The following SEZ6L variants were observed in gnomAD, a reference collection of about 807,000 sequenced individuals.
SEZ6L encodes the protein seizure related 6 homolog like, also known as seizure 6-like protein.
In SEZ6L, 37 loss-of-function variants were observed where a neutral mutation model predicts 106.2. The observed-to-expected ratio is 0.35, with a 90% CI of 0.27 to 0.46. The LOEUF is 0.46. Among genes scored for constraint, SEZ6L ranks in the 20% least tolerant of loss-of-function variants. The probability of loss-of-function intolerance (pLI) is 1.00; values close to 1 mark genes in which losing one functional copy is unlikely to be tolerated. For synonymous variants in SEZ6L, 541 were observed against 570.4 expected (o/e 0.95, Z 0.73); for missense variants, 1,172 against 1,332.8 (o/e 0.88, Z 1.88).
chr22:26,343,576 C>A (rs1471018566), intron 10 of SEZ6L, among the ~76,000 whole-genome samples: 1 of 152,142 alleles, frequency 6.6e-6, no homozygotes, highest in South Asian at 2.1e-4. Flanking sequence ...CTTGACACCT[C>A]CTATATGCTA....
At chr22:26,256,138 G>A (rs536103071) in intron 1 of SEZ6L, among the ~76,000 whole-genome samples, 2 of 152,310 alleles carry the variant, frequency 1.3e-5, no homozygotes, top group Admixed American at 6.5e-5. Context: ...AAAATGGGAA[G>A]GAGCATGAGC....
rs539256140 is a variant in SEZ6L at position 26,290,095 on chromosome 22, G to A, written c.95-2311G>A. 5.9e-5 allele frequency among the ~76,000 whole-genome samples: 9 copies of A among 152,308 alleles called. No homozygotes were observed. The East Asian group carries it at 1.7e-3, about 29-fold the overall frequency. ...CAACCCCAGGAAATAGGAAATAATA[G>A]CCCCATTTGACAGCTGAGGGAACTG... On this transcript the variant is annotated intron_variant, in intron 1 of 16. Transcript: ENST00000248933.
chr22:26,217,948 G>C (rs561388234), intron 1 of SEZ6L, among the ~76,000 whole-genome samples: 5 of 152,212 alleles, frequency 3.3e-5, no homozygotes. Context: ...ACAGACACAG[G>C]CTCCCTCTGC....
intron 1 of SEZ6L, among the ~76,000 whole-genome samples, chr22:26,237,317 C>T (rs1299707178): frequency 6.6e-6 from 1 of 152,208 alleles, no homozygotes; most frequent in Non-Finnish European, 1.5e-5. Context: ...GAGCAGGGAC[C>T]AGGTCTTTTG....
At chr22:26,324,064 C>CCA (rs71311560) in intron 9 of SEZ6L, among the ~76,000 whole-genome samples, 18,973 of 140,088 alleles carry the variant, frequency 0.14, 1,310 homozygotes, top group Admixed American at 0.2. Flanking sequence ...CAGTTTTTAA[C>CCA]CACACACACA....
chr22:26,275,079 C>T (rs1022368249), intron 1 of SEZ6L, among the ~76,000 whole-genome samples: 8 of 152,212 alleles, frequency 5.3e-5, no homozygotes, highest in Non-Finnish European at 1.2e-4. Context: ...GAGCCAAGCT[C>T]AAGGGCCAAA....
chr22:26,322,201 T>A (rs937650969), intron 9 of SEZ6L, among the ~76,000 whole-genome samples: 1 of 152,162 alleles, frequency 6.6e-6, no homozygotes, highest in Non-Finnish European at 1.5e-5. Flanking sequence ...TTATCAGGAA[T>A]CCTCAGATAA....
chr22:26,332,147 G>GTTTT (rs752520660), intron 9 of SEZ6L, among the ~76,000 whole-genome samples: 4 of 114,110 alleles, frequency 3.5e-5, no homozygotes, highest in African/African-American at 1.0e-4. Context: ...GATTTTCAAT[G>GTTTT]TTTTTTTTTT....
chr22:26,345,380 G>A (rs1039838432), intron 10 of SEZ6L, among the ~76,000 whole-genome samples: 1 of 152,186 alleles, frequency 6.6e-6, no homozygotes, highest in African/African-American at 2.4e-5. Context: ...GAGGTCCCAC[G>A]GGAGCGTGCA....
chr22:26,293,976 C>G (rs993719833), intron 2 of SEZ6L, among the ~76,000 whole-genome samples: 2 of 152,118 alleles, frequency 1.3e-5, no homozygotes, highest in Non-Finnish European at 2.9e-5. Flanking sequence ...TGTTTGAGCT[C>G]GGCCCCTCTC....
At chr22:26,177,845 T>A (rs1035504716) in intron 1 of SEZ6L, among the ~76,000 whole-genome samples, 5 of 152,266 alleles carry the variant, frequency 3.3e-5, no homozygotes, top group Admixed American at 2.6e-4. Flanking sequence ...TATTTGGGAT[T>A]CTTATCTGCC....
chr22:26,314,734 A>G (rs2081950440), intron 9 of SEZ6L, among the ~76,000 whole-genome samples: 1 of 152,256 alleles, frequency 6.6e-6, no homozygotes, highest in Non-Finnish European at 1.5e-5. Flanking sequence ...GCAGGGAAGC[A>G]GCTACTCTGG....
chr22:26,368,572 A>G (rs1246216322), intron 13 of SEZ6L, among the ~76,000 whole-genome samples: 3 of 152,204 alleles, frequency 2.0e-5, no homozygotes, highest in Non-Finnish European at 2.9e-5. Context: ...CAGAAAGCAG[A>G]GTCGTGGTTG....
chr22:26,269,616 A>T (rs2080298824), intron 1 of SEZ6L, among the ~76,000 whole-genome samples: 1 of 152,210 alleles, frequency 6.6e-6, no homozygotes. Context: ...ATGCAGCGTG[A>T]CTGCCTCCCA....
intron 1 of SEZ6L, among the ~76,000 whole-genome samples, chr22:26,269,612 C>T (rs776167855): frequency 3.1e-4 from 47 of 152,194 alleles, no homozygotes; most frequent in Non-Finnish European, 8.8e-5. Context: ...AATTATGCAG[C>T]GTGACTGCCT....
At chr22:26,201,643 G>A (rs2145679986) in intron 1 of SEZ6L, among the ~76,000 whole-genome samples, 1 of 152,228 alleles carries the variant, frequency 6.6e-6, no homozygotes, top group South Asian at 2.1e-4. Flanking sequence ...ATAGGCTTTA[G>A]CAATGACTAC....
Position 26,208,898 on chromosome 22 carries a change from G to GTGTA in SEZ6L, c.94+39138_94+39139insATGT, listed in dbSNP as rs1273904150. Among the ~76,000 whole-genome samples the GTGTA allele has an allele frequency of 8.8e-5, 11 of 125,122 alleles. 1 individual carries two copies. Among genetic ancestry groups the GTGTA allele is most frequent in the Middle Eastern group, 4.5e-3 (1 of 220 alleles). 82.1% of individuals were successfully genotyped at this position (125,122 alleles called of 152,430 possible). A position where few individuals can be genotyped will look rare whatever the true frequency, so the allele number is the denominator to read the frequency against. On this transcript the variant is annotated intron_variant, in intron 1 of 16. Transcript: ENST00000248933. ...TGTGTGTGTGTGTGTGTGTGTGTGT[G>GTGTA]TGTGTGTAATGTTTTGATATTTCCC...
At chr22:26,173,214 T>C (rs1328069979) in intron 1 of SEZ6L, among the ~76,000 whole-genome samples, 1 of 152,234 alleles carries the variant, frequency 6.6e-6, no homozygotes, top group African/African-American at 2.4e-5. Flanking sequence ...AAGTAATGTT[T>C]ATTTCTTTCT....
At chr22:26,363,616 CT>C (rs1568946104) in intron 12 of SEZ6L, among the ~76,000 whole-genome samples, 1 of 152,136 alleles carries the variant, frequency 6.6e-6, no homozygotes, top group Non-Finnish European at 1.5e-5. Context: ...TGAAGGCATG[CT>C]TGAGATTCAT....
Sources: gnomAD v4.1 joint callset for allele counts (sites outside exome capture counted in the v4.1 genomes callset) on GRCh38, gnomAD v4.1.1 for gene constraint, MANE v1.5 for transcripts, NCBI Gene and HGNC (gene_info 2026-07-23, HGNC 2026-07-21) for gene names.